The following BTBD9 variants were observed in gnomAD, a reference collection of about 807,000 sequenced individuals.
BTBD9 encodes the protein BTB domain containing 9, also known as BTB/POZ domain-containing protein 9.
A neutral mutation model predicts 64.3 loss-of-function variants in BTBD9; 49 were observed. That is an observed-to-expected ratio of 0.76 (90% CI 0.61 to 0.97). The LOEUF is 0.97. Ranked by LOEUF, BTBD9 falls within the 50% of genes least tolerant of loss-of-function variation. The probability of loss-of-function intolerance (pLI) is 0.00; values close to 1 mark genes in which losing one functional copy is unlikely to be tolerated. For missense variants in BTBD9, 598 were observed against 762.1 expected (o/e 0.78, Z 2.53); for synonymous variants, 260 against 274.7 (o/e 0.95, Z 0.53).
At chr6:38,389,032 A>T (rs531733823) in intron 6 of BTBD9, among the ~76,000 whole-genome samples, 1 of 152,310 alleles carries the variant, frequency 6.6e-6, no homozygotes, top group East Asian at 1.9e-4. Context: ...AATGTACCAA[A>T]CTCTCTACTA....
intron 7 of BTBD9, among the ~76,000 whole-genome samples, chr6:38,339,958 C>T (rs1406613676): frequency 7.2e-5 from 11 of 152,114 alleles, no homozygotes. Context: ...AATCTTAAAA[C>T]TCATTTCGGT....
At position 38,379,157 on chromosome 6, in the gene BTBD9, T is replaced by C. The variant is rs535471434; in HGVS notation, c.1155-34064A>G. The stretch of plus-strand genomic sequence containing the variant: ...CACATGTAGGCTTGGGGAAAGGAGA[T>C]AAAGCTTGGGGTCTGAACAGGGAGA... On this transcript the variant is annotated intron_variant, in intron 6 of 10. Transcript: ENST00000481247. Among the ~76,000 whole-genome samples the C allele has an allele frequency of 2.0e-5, 3 of 152,268 alleles. No homozygotes were observed. The South Asian group carries it at 6.2e-4, about 32-fold the overall frequency.
intron 8 of BTBD9, among the ~76,000 whole-genome samples, chr6:38,275,503 C>A (rs2127546937): frequency 6.6e-6 from 1 of 151,280 alleles, no homozygotes; most frequent in Admixed American, 6.6e-5. Context: ...CAAATGGGAT[C>A]TAATTAAACT....
chr6:38,462,665 A>G (rs1770155638), intron 6 of BTBD9, among the ~76,000 whole-genome samples: 1 of 152,200 alleles, frequency 6.6e-6, no homozygotes, highest in African/African-American at 2.4e-5. Flanking sequence ...CATTTTCTTC[A>G]ACAATGCCTG....
intron 9 of BTBD9, among the ~76,000 whole-genome samples, chr6:38,254,451 AAAACAAAC>A (rs374722049): frequency 1.4e-3 from 219 of 152,052 alleles, no homozygotes; most frequent in Middle Eastern, 6.8e-3. Flanking sequence ...TGTCTCTACA[AAAACAAAC>A]AAACAAACAA....
intron 6 of BTBD9, among the ~76,000 whole-genome samples, chr6:38,420,110 CT>C (rs1767838945): frequency 6.6e-6 from 1 of 151,832 alleles, no homozygotes; most frequent in Admixed American, 6.5e-5. Flanking sequence ...TCTTTCTAAG[CT>C]TTTAATTATT....
intron 6 of BTBD9, among the ~76,000 whole-genome samples, chr6:38,546,904 G>A (rs1450499181): frequency 6.6e-6 from 1 of 152,130 alleles, no homozygotes; most frequent in African/African-American, 2.4e-5. Flanking sequence ...CCGACCTCAG[G>A]CGATCCACCC....
At chr6:38,362,608 T>TA (rs1361860092) in intron 6 of BTBD9, among the ~76,000 whole-genome samples, 1 of 152,226 alleles carries the variant, frequency 6.6e-6, no homozygotes, top group Non-Finnish European at 1.5e-5. Context: ...ACGTGATGCT[T>TA]AAGGCTTGGT....
chr6:38,191,961 C>T (rs1762092469), intron 10 of BTBD9, among the ~76,000 whole-genome samples: 1 of 152,246 alleles, frequency 6.6e-6, no homozygotes, highest in African/African-American at 2.4e-5. Context: ...GCCAATCCTG[C>T]ATAAATCTGA....
chr6:38,189,674 T>TTTC (rs1491511242), intron 10 of BTBD9, among the ~76,000 whole-genome samples: 1 of 32,218 alleles, frequency 3.1e-5, no homozygotes, highest in Non-Finnish European at 1.1e-4. Context: ...TCTTTCTTTC[T>TTTC]TTTTTTTTTT....
At chr6:38,417,507 C>A (rs1387982517) in intron 6 of BTBD9, among the ~76,000 whole-genome samples, 1 of 152,220 alleles carries the variant, frequency 6.6e-6, no homozygotes, top group Non-Finnish European at 1.5e-5. Flanking sequence ...AGTGCAGTGG[C>A]TCACATCTGT....
chr6:38,478,206 G>A (rs62397056), intron 6 of BTBD9, among the ~76,000 whole-genome samples: 28,090 of 152,028 alleles, frequency 0.18, 2,846 homozygotes, highest in Non-Finnish European at 0.21. Flanking sequence ...GATTACGTGC[G>A]TATATATGTG....
At chr6:38,518,100 A>C (rs1168796161) in intron 6 of BTBD9, among the ~76,000 whole-genome samples, 2 of 152,232 alleles carry the variant, frequency 1.3e-5, no homozygotes, top group African/African-American at 4.8e-5. Flanking sequence ...ATACAGTAGC[A>C]AATGTCACTA....
chr6:38,396,758 C>G (rs1416758984), intron 6 of BTBD9, among the ~76,000 whole-genome samples: 1 of 152,080 alleles, frequency 6.6e-6, no homozygotes, highest in African/African-American at 2.4e-5. Context: ...AAAATACACA[C>G]TGGATTTTGA....
chr6:38,425,531 G>T (rs1173743942), intron 6 of BTBD9, among the ~76,000 whole-genome samples: 1 of 151,910 alleles, frequency 6.6e-6, no homozygotes, highest in African/African-American at 2.4e-5. Context: ...TAAGCTCTGA[G>T]ATTCTACGTG....
chr6:38,492,613 T>C (rs992044355), intron 6 of BTBD9, among the ~76,000 whole-genome samples: 9 of 152,212 alleles, frequency 5.9e-5, no homozygotes, highest in Non-Finnish European at 8.8e-5. Context: ...ATAAACATAA[T>C]TTTTTATTTC....
At chr6:38,458,163 A>G (rs2127348207) in intron 6 of BTBD9, among the ~76,000 whole-genome samples, 1 of 152,354 alleles carries the variant, frequency 6.6e-6, no homozygotes, top group East Asian at 1.9e-4. Flanking sequence ...AAAACAAAAC[A>G]GATTAAAATA....
At position 38,288,371 on chromosome 6, in the gene BTBD9, G is replaced by C; in HGVS notation, c.1355C>G (p.Thr452Ser). The C allele has an allele frequency of 6.2e-7, 1 of 1,614,102 alleles. No homozygotes were observed. Among genetic ancestry groups the C allele is most frequent in the South Asian group, 1.1e-5 (1 of 91,082 alleles). ...RSRNALLNGD[T>S]KNYDWDSGYT... ...GCCAGAATCCCAGTCATAATTCTTAGTGTCCCCATTCAGCAAGGCATTTCG... is the reference window on the plus strand; with the variant it reads ...GCCAGAATCCCAGTCATAATTCTTACTGTCCCCATTCAGCAAGGCATTTCG... The change falls in exon 8 of 11, where the codon ACT becomes AGT. Residue 452 changes from threonine (T) to serine (S), a missense_variant. Coordinates refer to ENST00000481247, the MANE Select transcript of BTBD9 (RefSeq NM_001099272.2).
In BTBD9 at chr6:38,227,844, C is replaced by T. The variant is rs558469523; in HGVS notation, c.1562+28565G>A. On this transcript the variant is annotated intron_variant, in intron 9 of 10. Coordinates refer to ENST00000481247, the MANE Select transcript of BTBD9 (RefSeq NM_001099272.2). ...TGCGGCAATGGGCACTTCTGGAATG[C>T]TGTGTGGTCTTTTCTTCTGAAGAAA... 9.2e-5 allele frequency among the ~76,000 whole-genome samples: 14 copies of T among 152,268 alleles called. No individual in the cohort carries two copies. The South Asian group carries it at 2.9e-3, about 32-fold the overall frequency.
Sources: gnomAD v4.1 joint callset for allele counts (sites outside exome capture counted in the v4.1 genomes callset) on GRCh38, gnomAD v4.1.1 for gene constraint, MANE v1.5 for transcripts, NCBI Gene and HGNC (gene_info 2026-07-23, HGNC 2026-07-21) for gene names.